Variants in PRKCI observed in about 807,000 individuals in gnomAD.
PRKCI encodes the protein protein kinase C iota type.
Under a neutral mutation model 84.0 loss-of-function variants are expected in PRKCI, and 43 were observed. That is an observed-to-expected ratio of 0.51 (90% CI 0.40 to 0.66). The LOEUF (loss-of-function observed/expected upper bound fraction) is 0.66. Among genes scored for constraint, PRKCI ranks in the 30% least tolerant of loss-of-function variants. The probability of loss-of-function intolerance (pLI) is 0.00; values close to 1 mark genes in which losing one functional copy is unlikely to be tolerated. For missense variants in PRKCI, 459 were observed against 745.6 expected (o/e 0.62, Z 4.48); for synonymous variants, 216 against 234.4 (o/e 0.92, Z 0.72).
intron 4 of PRKCI, among the ~76,000 whole-genome samples, chr3:170,264,060 A>C (rs186288067): frequency 6.6e-6 from 1 of 152,290 alleles, no homozygotes; most frequent in East Asian, 1.9e-4. Context: ...ATACCTATAT[A>C]TCCTTTGCCC....
Position 170,262,877 on chromosome 3 carries a change from AC to A in PRKCI, c.314-500del, listed in dbSNP as rs568547050. Among the ~76,000 whole-genome samples the A allele has an allele frequency of 6.1e-3, 901 of 147,120 alleles. 7 individuals are homozygous for A. Among genetic ancestry groups the A allele is most frequent in the African/African-American group, 0.021 (841 of 39,998 alleles). On this transcript the variant is annotated intron_variant, in intron 3 of 17. Transcript: ENST00000295797. ...ACATCAACAAAGCAAGGCAAATAAA[AC>A]CTTCTTTTGTGGCCGGGCGCGGTGA...
In PRKCI at chr3:170,222,442, G is replaced by A. The variant is rs1732508113; in HGVS notation, c.-228G>A. The A allele has an allele frequency of 1.1e-5, 5 of 450,148 alleles. No individual in the cohort carries two copies. In the East Asian group the frequency reaches 1.8e-4, roughly 16 times the overall value. The allele number at this position is 450,148 out of a possible 1,614,324, so 27.9% of individuals were successfully genotyped here. A position where few individuals can be genotyped will look rare whatever the true frequency, so the allele number is the denominator to read the frequency against. Reference sequence around the variant, plus strand: ...AGGGACCGACGCAGGAGGTGTCTTGGGCCCGGGCGGCTGTAGAGGCGGCGG... The same window carrying A: ...AGGGACCGACGCAGGAGGTGTCTTGAGCCCGGGCGGCTGTAGAGGCGGCGG... On this transcript the variant is annotated 5_prime_UTR_variant, in exon 1 of 18. Coordinates refer to ENST00000295797, the MANE Select transcript of PRKCI (RefSeq NM_002740.6).
At chr3:170,283,104 CAAA>C (rs892905150) in intron 11 of PRKCI, among the ~76,000 whole-genome samples, 55 of 107,452 alleles carry the variant, frequency 5.1e-4, no homozygotes, top group African/African-American at 1.7e-3. Flanking sequence ...GACTCCGTCT[CAAA>C]AAAAAAAAAA....
chr3:170,281,825 A>G, intron 10 of PRKCI, 57 bp from the exon 11 acceptor site: 5 of 1,519,958 alleles, frequency 3.3e-6, no homozygotes, highest in Middle Eastern at 1.9e-4. Context: ...CTGAAAATGC[A>G]AAGTTACACT....
Position 170,235,359 on chromosome 3 carries a change from G to A in PRKCI, c.223+8G>A. ...AATGGATAGATGAGGAAGGTGAGTG[G>A]TAAAGACAGGGCTGCCTGTGTAAGC... On this transcript the variant is annotated splice_region_variant and intron_variant, in intron 2 of 17. Transcript: ENST00000295797. The A allele has an allele frequency of 6.2e-7, 1 of 1,613,798 alleles. No individual in the cohort carries two copies. Among genetic ancestry groups the A allele is most frequent in the Non-Finnish European group, 8.5e-7 (1 of 1,179,808 alleles).
intron 2 of PRKCI, among the ~76,000 whole-genome samples, chr3:170,236,669 C>G (rs1477303534): frequency 6.6e-6 from 1 of 151,764 alleles, no homozygotes; most frequent in Non-Finnish European, 1.5e-5. Flanking sequence ...TGAGAACAGC[C>G]TGGGCAACAT....
At chr3:170,234,031 C>CTTTTTTTTTT (rs386398519) in intron 1 of PRKCI, among the ~76,000 whole-genome samples, 1 of 93,364 alleles carries the variant, frequency 1.1e-5, no homozygotes, top group Non-Finnish European at 2.0e-5. Context: ...TATACTTACA[C>CTTTTTTTTTT]TTTTTTTTTT....
In PRKCI at chr3:170,223,257, C is replaced by T. The variant is rs116576210; in HGVS notation, c.101+487C>T. Reference sequence around the variant, plus strand: ...GTTCTCTGAGATATACCTCCATCCCCGTTGTGTTCACGTAGTGTATCTGCA... The same window carrying T: ...GTTCTCTGAGATATACCTCCATCCCTGTTGTGTTCACGTAGTGTATCTGCA... On this transcript the variant is annotated intron_variant, in intron 1 of 17. Transcript: ENST00000295797. Among the ~76,000 whole-genome samples, 583 of 152,244 alleles carry T rather than the reference C, an allele frequency of 3.8e-3. 6 individuals are homozygous for T. Among genetic ancestry groups the T allele is most frequent in the African/African-American group, 0.014 (563 of 41,542 alleles).
Position 170,222,535 on chromosome 3 carries a change from C to G in PRKCI, c.-135C>G, listed in dbSNP as rs1732512614. ...CGGCGAGGCGACCCTTGGGTCGGCG[C>G]TGCGGGCGAGGTGGGCAGGTAGGTG... On this transcript the variant is annotated 5_prime_UTR_variant, in exon 1 of 18. Transcript: ENST00000295797. 1 of 743,302 alleles carries G rather than the reference C, an allele frequency of 1.3e-6. No homozygotes were observed. The highest frequency in any genetic ancestry group is 3.4e-5 in the East Asian group (1 of 29,832). The allele number at this position is 743,302 out of a possible 1,614,324, so 46.0% of individuals were successfully genotyped here. A position where few individuals can be genotyped will look rare whatever the true frequency, so the allele number is the denominator to read the frequency against.
In PRKCI at chr3:170,288,137, T is replaced by A. The variant is rs545558717; in HGVS notation, c.1203+3541T>A. Among the ~76,000 whole-genome samples, 105 of 151,518 alleles carry A rather than the reference T, an allele frequency of 6.9e-4. 3 individuals are homozygous for A. In the South Asian group the frequency reaches 0.022, roughly 32 times the overall value. On this transcript the variant is annotated intron_variant, in intron 12 of 17. Coordinates refer to ENST00000295797, the MANE Select transcript of PRKCI (RefSeq NM_002740.6). ...GGCGGACGCCTGTAGTCCCAGCTAC[T>A]CGGGAGGCTGAGGCAGGAGAATGGC...
chr3:170,281,389 A>G (rs1560181715), intron 10 of PRKCI, 126 bp downstream of exon 10: 1 of 691,674 alleles, frequency 1.4e-6, no homozygotes. Flanking sequence ...TTAGGCTTAT[A>G]ACTTCCTGCT....
intron 13 of PRKCI, 49 bp from the exon 14 acceptor site, chr3:170,293,334 T>C: frequency 6.5e-7 from 1 of 1,534,730 alleles, no homozygotes; most frequent in Non-Finnish European, 8.8e-7. Context: ...TTACTAACTT[T>C]CAAGAATGCA....
chr3:170,245,960 T>TGTTTGTTTG (rs1437942327), intron 2 of PRKCI, among the ~76,000 whole-genome samples: 5 of 147,468 alleles, frequency 3.4e-5, no homozygotes, highest in Non-Finnish European at 6.0e-5. Context: ...TTTTTTTTTT[T>TGTTTGTTTG]TTTTTTTTTT....
rs778456196 is a variant in PRKCI, at chr3:170,284,498, C to A, written c.1105C>A (p.Leu369Ile). The part of the protein sequence containing the change: ...SAEISLALNY[L>I]HERGIIYRDL... ...AGAAATCAGTCTAGCATTAAATTAT[C>A]TTCATGAGCGAGGGATAATTTATAG... The change falls in exon 12 of 18, where the codon CTT becomes ATT. Residue 369 changes from leucine (L) to isoleucine (I), a missense_variant. Physicochemically the swap from Leu to Ile is conservative, Grantham distance 5 (BLOSUM62 2). Coordinates refer to ENST00000295797, the MANE Select transcript of PRKCI (RefSeq NM_002740.6). The A allele has an allele frequency of 6.3e-7, 1 of 1,597,882 alleles. No homozygotes were observed. The highest frequency in any genetic ancestry group is 2.2e-5 in the East Asian group (1 of 44,704).
At position 170,291,862 on chromosome 3, in the gene PRKCI, A is replaced by G. The variant is rs559609215; in HGVS notation, c.1212A>G (p.Leu404=). ...LTDYGMCKEG[L]RPGDTTSTFC... ...GTTCTTTTTAATAAAAGGAAGGATT[A>G]CGGCCAGGAGATACAACCAGCACTT... Residue 404 remains leucine (L), a synonymous_variant, in exon 13 of 18, where the codon TTA becomes TTG. Transcript: ENST00000295797. 5 of 1,603,260 alleles carry G rather than the reference A, an allele frequency of 3.1e-6. No homozygotes were observed. Among genetic ancestry groups the G allele is most frequent in the Admixed American group, 1.7e-5 (1 of 60,002 alleles).
At chr3:170,260,941 T>A (rs1733708914) in intron 3 of PRKCI, among the ~76,000 whole-genome samples, 1 of 151,996 alleles carries the variant, frequency 6.6e-6, no homozygotes. Flanking sequence ...CCATCAAAAG[T>A]CATGTAAAAC....
At chr3:170,262,071 A>G (rs1300691702) in intron 3 of PRKCI, among the ~76,000 whole-genome samples, 1 of 152,216 alleles carries the variant, frequency 6.6e-6, no homozygotes, top group African/African-American at 2.4e-5. Flanking sequence ...TGTGCTCTTT[A>G]TTAAACTGTG....
chr3:170,284,756 C>T (rs1344551133), intron 12 of PRKCI, among the ~76,000 whole-genome samples, 160 bp downstream of exon 12: 1 of 152,084 alleles, frequency 6.6e-6, no homozygotes, highest in Non-Finnish European at 1.5e-5. Flanking sequence ...TTTTTCTAAC[C>T]ATTTGCAAAA....
intron 12 of PRKCI, among the ~76,000 whole-genome samples, chr3:170,286,829 T>G (rs1372117745): frequency 6.6e-6 from 1 of 150,972 alleles, no homozygotes; most frequent in Admixed American, 6.6e-5. Flanking sequence ...TTTTTTTAAA[T>G]AGAGACGAGG....
Sources: allele counts gnomAD v4.1 joint callset (sites outside exome capture counted in the v4.1 genomes callset), GRCh38; gene constraint gnomAD v4.1.1; transcripts MANE v1.5; gene names NCBI Gene and HGNC (gene_info 2026-07-23, HGNC 2026-07-21).